The following AGXT2 variants were observed in gnomAD, a reference collection of about 807,000 sequenced individuals.
AGXT2 encodes alanine--glyoxylate aminotransferase 2, mitochondrial.
A neutral mutation model predicts 62.5 loss-of-function variants in AGXT2; 61 were observed. The ratio of observed to expected loss-of-function variants is 0.98; its 90% CI spans 0.79 to 1.21. The LOEUF (loss-of-function observed/expected upper bound fraction) is 1.21, where lower values mean the gene tolerates loss of function less well. AGXT2 is among the 50% of genes most tolerant of loss of function. The pLI, the probability that AGXT2 is intolerant of heterozygous loss-of-function variation, is 0.00. For synonymous variants in AGXT2, 243 were observed against 218.7 expected (o/e 1.11, Z -0.98); for missense variants, 666 against 641.5 (o/e 1.04, Z -0.41).
At chr5:35,011,477 A>G (rs2112192787) in intron 11 of AGXT2, among the ~76,000 whole-genome samples, 1 of 152,032 alleles carries the variant, frequency 6.6e-6, no homozygotes, top group African/African-American at 2.4e-5. Context: ...AAAAAAAAAA[A>G]AAATTGGCAA....
chr5:35,023,006 ATTT>A (rs570613982), intron 9 of AGXT2, among the ~76,000 whole-genome samples: 1,880 of 147,844 alleles, frequency 0.013, 23 homozygotes, highest in Non-Finnish European at 0.018. Flanking sequence ...TCTTCTGCAA[ATTT>A]TTTTTTTTAA....
chr5:35,013,843 CTG>C (rs1205972030), intron 10 of AGXT2, 142 bp downstream of exon 10: 5 of 1,210,640 alleles, frequency 4.1e-6, no homozygotes, highest in Non-Finnish European at 6.1e-6. Context: ...GGCAGACAGA[CTG>C]TTTCTCTCTT....
intron 1 of AGXT2, among the ~76,000 whole-genome samples, chr5:35,042,833 A>G (rs1056836269): frequency 7.2e-5 from 11 of 151,984 alleles, no homozygotes; most frequent in African/African-American, 2.7e-4. Flanking sequence ...ACTATATCCA[A>G]GGTCTATTTC....
intron 3 of AGXT2, among the ~76,000 whole-genome samples, chr5:35,037,472 A>T (rs12153423): frequency 6.6e-6 from 1 of 152,144 alleles, no homozygotes; most frequent in Non-Finnish European, 1.5e-5. Flanking sequence ...GAGATTCATC[A>T]AGCACATGTA....
intron 12 of AGXT2, 72 bp downstream of exon 12, chr5:35,009,928 T>A: frequency 1.3e-6 from 2 of 1,597,324 alleles, no homozygotes. Flanking sequence ...TAAATGAAGT[T>A]TAGCTGATGT....
intron 7 of AGXT2, among the ~76,000 whole-genome samples, chr5:35,029,376 G>A (rs1767478740): frequency 6.6e-6 from 1 of 152,194 alleles, no homozygotes; most frequent in African/African-American, 2.4e-5. Flanking sequence ...AAACCAAAAG[G>A]TTTTGCCTGA....
intron 5 of AGXT2, among the ~76,000 whole-genome samples, chr5:35,034,517 T>C (rs1767695367): frequency 1.3e-5 from 2 of 152,218 alleles, no homozygotes; most frequent in Admixed American, 6.5e-5. Flanking sequence ...TGTTTATTCA[T>C]TCCATCAACT....
chr5:35,046,958 C>T (rs2112308239), intron 1 of AGXT2, among the ~76,000 whole-genome samples: 1 of 152,284 alleles, frequency 6.6e-6, no homozygotes, highest in Non-Finnish European at 1.5e-5. Flanking sequence ...TGTCTGGTTA[C>T]CCCACATCTC....
Position 35,033,454 on chromosome 5 carries a change from A to T in AGXT2, c.675+6T>A, listed in dbSNP as rs1478114612. ...AAAGAAACAAGAGAAAAATCTCCAA[A>T]CTCACTGGTTGGCAACCTGTCCCAC... On this transcript the variant is annotated splice_donor_region_variant and intron_variant, in intron 6 of 13. Transcript: ENST00000231420. 5 of 1,604,258 alleles carry T rather than the reference A, an allele frequency of 3.1e-6. No homozygotes were observed. Among genetic ancestry groups the T allele is most frequent in the African/African-American group, 1.3e-5 (1 of 74,698 alleles).
intron 9 of AGXT2, among the ~76,000 whole-genome samples, chr5:35,023,099 T>C (rs1400097539): frequency 3.4e-5 from 5 of 146,900 alleles, no homozygotes; most frequent in Admixed American, 1.4e-4. Context: ...CATTTGTTTG[T>C]ATAGGTTTCA....
chr5:35,007,292 T>C (rs1383755660), intron 12 of AGXT2, among the ~76,000 whole-genome samples: 1 of 152,238 alleles, frequency 6.6e-6, no homozygotes, highest in African/African-American at 2.4e-5. Context: ...CCATGAGGAA[T>C]ACATTTCTGT....
intron 12 of AGXT2, 145 bp downstream of exon 12, chr5:35,009,855 T>G: frequency 1.9e-6 from 2 of 1,075,350 alleles, no homozygotes; most frequent in Non-Finnish European, 2.8e-6. Context: ...CTCAACACTC[T>G]CTACTAATCT....
intron 12 of AGXT2, among the ~76,000 whole-genome samples, chr5:35,005,429 A>C (rs1487554571): frequency 6.6e-6 from 1 of 151,954 alleles, no homozygotes; most frequent in Non-Finnish European, 1.5e-5. Flanking sequence ...GGGTTTCACT[A>C]TGTTGGCCAG....
At position 35,033,547 on chromosome 5, in the gene AGXT2, G is replaced by C. The variant is rs1767653546; in HGVS notation, c.588C>G (p.Ala196=). Residue 196 remains alanine (A), a synonymous_variant, in exon 6 of 14, where the codon GCC becomes GCG. Transcript: ENST00000231420. ...GTGTGTAAGGACTGCATCCATGGTA[G>C]GCTCCTCTGCAGAGAAGAAACAACA... ...NNIDIISFRG[A]YHGCSPYTLG... The C allele has an allele frequency of 6.2e-7, 1 of 1,613,454 alleles. No individual in the cohort carries two copies. Among genetic ancestry groups the C allele is most frequent in the Non-Finnish European group, 8.5e-7 (1 of 1,179,438 alleles).
At chr5:35,037,367 T>A (rs2112278258) in intron 3 of AGXT2, among the ~76,000 whole-genome samples, 1 of 152,376 alleles carries the variant, frequency 6.6e-6, no homozygotes, top group South Asian at 2.1e-4. Flanking sequence ...TTCTTCTAGC[T>A]ATGCTTTCTT....
intron 6 of AGXT2, 142 bp from the exon 7 acceptor site, chr5:35,032,967 A>T (rs1767627763): frequency 8.1e-6 from 6 of 741,408 alleles, no homozygotes; most frequent in African/African-American, 1.7e-5. Context: ...AAATTGAAGG[A>T]TCTGCTTTGA....
intron 3 of AGXT2, among the ~76,000 whole-genome samples, chr5:35,037,612 G>A (rs998304086): frequency 6.6e-6 from 1 of 151,628 alleles, no homozygotes; most frequent in South Asian, 2.1e-4. Flanking sequence ...CTATTCACAG[G>A]CACAATCATA....
intron 12 of AGXT2, among the ~76,000 whole-genome samples, chr5:35,004,860 T>C (rs1335062295): frequency 6.6e-6 from 1 of 152,158 alleles, no homozygotes; most frequent in African/African-American, 2.4e-5. Flanking sequence ...CAGATCCAAC[T>C]CTTTCCCCAA....
intron 1 of AGXT2, among the ~76,000 whole-genome samples, chr5:35,046,487 T>G (rs756214746): frequency 6.6e-6 from 1 of 152,224 alleles, no homozygotes; most frequent in African/African-American, 2.4e-5. Context: ...CAGATAGACC[T>G]GGCTTTGAAT....
Sources: gnomAD v4.1 joint callset for allele counts (sites outside exome capture counted in the v4.1 genomes callset) on GRCh38, gnomAD v4.1.1 for gene constraint, MANE v1.5 for transcripts, NCBI Gene and HGNC (gene_info 2026-07-23, HGNC 2026-07-21) for gene names.